The following KIF13B variants were observed in gnomAD, a reference collection of about 807,000 sequenced individuals.
The protein encoded by KIF13B is kinesin family member 13B, also known as kinesin-like protein KIF13B.
Under a neutral mutation model 222.0 loss-of-function variants are expected in KIF13B, and 127 were observed. The observed-to-expected ratio is 0.57, with a 90% CI of 0.50 to 0.66. The LOEUF (loss-of-function observed/expected upper bound fraction) is 0.66. Ranked by LOEUF, KIF13B falls within the 30% of genes least tolerant of loss-of-function variation. The pLI is 0.00. For missense variants in KIF13B, 2,173 were observed against 2,379.0 expected (o/e 0.91, Z 1.80); for synonymous variants, 976 against 919.0 (o/e 1.06, Z -1.12).
chr8:29,235,819 A>C (rs550320815), intron 2 of KIF13B, among the ~76,000 whole-genome samples: 1 of 152,324 alleles, frequency 6.6e-6, no homozygotes, highest in Non-Finnish European at 1.5e-5. Context: ...TGAGTTCCAG[A>C]AACTGGTTAG....
chr8:29,174,473 GT>G (rs1251385109), intron 10 of KIF13B, among the ~76,000 whole-genome samples: 5 of 152,078 alleles, frequency 3.3e-5, no homozygotes, highest in Non-Finnish European at 5.9e-5. Flanking sequence ...GAGGTATTTA[GT>G]TATGTAAGCT....
intron 35 of KIF13B, among the ~76,000 whole-genome samples, chr8:29,104,506 T>C (rs951717026): frequency 6.6e-6 from 1 of 152,190 alleles, no homozygotes; most frequent in Non-Finnish European, 1.5e-5. Context: ...CTGCATACAT[T>C]TGTACCATAT....
At position 29,153,290 on chromosome 8, in the gene KIF13B, AC is replaced by A. The variant is rs376681001; in HGVS notation, c.1535+2435del. Among the ~76,000 whole-genome samples the A allele has an allele frequency of 2.6e-4, 39 of 152,364 alleles. No individual in the cohort carries two copies. In the East Asian group the frequency reaches 6.7e-3, roughly 26 times the overall value. Reference sequence around the variant, plus strand: ...TGTCCAATCTACGTGAATGAAAATAACCAAACAACCAGACTCTACAAACATC... The same window carrying A: ...TGTCCAATCTACGTGAATGAAAATAACAAACAACCAGACTCTACAAACATC... On this transcript the variant is annotated intron_variant, in intron 14 of 39. Coordinates refer to ENST00000524189, the MANE Select transcript of KIF13B (RefSeq NM_015254.4).
At position 29,160,955 on chromosome 8, in the gene KIF13B, C is replaced by T. The variant is rs1410369056; in HGVS notation, c.1270-88G>A. 17 of 1,114,234 alleles carry T rather than the reference C, an allele frequency of 1.5e-5. No individual in the cohort carries two copies. In the Admixed American group the frequency reaches 3.8e-4, roughly 25 times the overall value. 69.0% of individuals were successfully genotyped at this position (1,114,234 alleles called of 1,614,324 possible). On this transcript the variant is annotated intron_variant, in intron 12 of 39. Transcript: ENST00000524189. ...TTTACATTACAATGTTACAATTATT[C>T]AATAGTGTTGTAATTCAAATACATT... is the stretch of plus-strand genomic sequence containing the variant.
At chr8:29,263,204 G>A (rs1427482144), upstream of KIF13B, 1 of 584,988 alleles carries the variant, frequency 1.7e-6, no homozygotes, top group Non-Finnish European at 2.9e-6. Flanking sequence ...GGGACTTGTA[G>A]TTCCCCAGGG....
At chr8:29,079,099 C>G (rs970618150) in intron 37 of KIF13B, among the ~76,000 whole-genome samples, 1 of 152,168 alleles carries the variant, frequency 6.6e-6, no homozygotes, top group African/African-American at 2.4e-5. Flanking sequence ...TATACAATCT[C>G]CAAGGGGACA....
At chr8:29,107,842 G>C (rs1363853208) in intron 35 of KIF13B, among the ~76,000 whole-genome samples, 2 of 150,922 alleles carry the variant, frequency 1.3e-5, no homozygotes, top group East Asian at 1.9e-4. Flanking sequence ...TTACATACGT[G>C]AGCCACTGCG....
chr8:29,173,976 C>T (rs1232121298), intron 10 of KIF13B, among the ~76,000 whole-genome samples: 2 of 148,414 alleles, frequency 1.3e-5, no homozygotes, highest in Admixed American at 6.7e-5. Flanking sequence ...GGTAATGAAA[C>T]GATTTAAAAA....
chr8:29,098,559 C>A (rs527428180), intron 36 of KIF13B, among the ~76,000 whole-genome samples: 114 of 147,068 alleles, frequency 7.8e-4, no homozygotes, highest in African/African-American at 2.6e-3. Context: ...GCCGAGATTG[C>A]ACTACTGGAC....
chr8:29,087,222 C>G (rs1376122613), intron 37 of KIF13B, among the ~76,000 whole-genome samples: 1 of 152,160 alleles, frequency 6.6e-6, no homozygotes, highest in African/African-American at 2.4e-5. Flanking sequence ...TACCTGCTAC[C>G]TGGAAATGAA....
At chr8:29,109,534 A>G in intron 33 of KIF13B, 23 bp from the exon 34 acceptor site, 1 of 1,601,702 alleles carries the variant, frequency 6.2e-7, no homozygotes, top group South Asian at 1.1e-5. Flanking sequence ...AAACATACAG[A>G]GGAAAAAGAC....
chr8:29,146,643 TGAGC>T, intron 17 of KIF13B, 103 bp from the exon 18 acceptor site: 2 of 1,091,770 alleles, frequency 1.8e-6, no homozygotes, highest in Admixed American at 2.3e-5. Flanking sequence ...AAGTGTGAAT[TGAGC>T]TTTTTCCGTG....
In KIF13B at chr8:29,071,757, GCTT is replaced by G; in HGVS notation, c.5078_5080del (p.Glu1693del). On this transcript the variant is annotated inframe_deletion, in exon 39 of 40. Coordinates refer to ENST00000524189, the MANE Select transcript of KIF13B (RefSeq NM_015254.4). The surrounding 1 kb of genome is among the most constrained non-coding windows in gnomAD (Gnocchi z 4.9). ...TCGGAGCCACTCCGGGACCTCGTCA[GCTT>G]CCTCGGAATCAGAGGCCAGGGCCTG... 1.3e-6 allele frequency: 2 copies of G among 1,549,576 alleles called. No homozygotes were observed. Among genetic ancestry groups the G allele is most frequent in the Non-Finnish European group, 1.7e-6 (2 of 1,146,626 alleles).
intron 2 of KIF13B, among the ~76,000 whole-genome samples, chr8:29,223,168 AAAAAAAAAAAC>A (rs1814838092): frequency 6.7e-6 from 1 of 149,474 alleles, no homozygotes; most frequent in Non-Finnish European, 1.5e-5. Flanking sequence ...AAAATACAAA[AAAAAAAAAAAC>A]AAAAAAAAAA....
rs373116983 is a variant in KIF13B, at chr8:29,167,608, G to A, written c.946-23C>T. The A allele has an allele frequency of 3.3e-5, 53 of 1,585,440 alleles. No homozygotes were observed. In the East Asian group the frequency reaches 6.7e-4, roughly 20 times the overall value. On this transcript the variant is annotated intron_variant, in intron 10 of 39. Transcript: ENST00000524189. Reference sequence around the variant, plus strand: ...GTCCTACAGGAGAAAACAGAAAGTTGAGTAGCATATTAAAGTTGGAAGAAG... The same window carrying A: ...GTCCTACAGGAGAAAACAGAAAGTTAAGTAGCATATTAAAGTTGGAAGAAG...
intron 29 of KIF13B, among the ~76,000 whole-genome samples, chr8:29,120,647 C>T (rs1217434449): frequency 2.0e-3 from 1 of 490 alleles, no homozygotes; most frequent in Non-Finnish European, 5.0e-3. Flanking sequence ...CATACGTGTG[C>T]ATGTGTCTTT....
chr8:29,206,008 T>C (rs1279506119), intron 2 of KIF13B, among the ~76,000 whole-genome samples: 5 of 152,018 alleles, frequency 3.3e-5, no homozygotes, highest in Admixed American at 1.3e-4. Flanking sequence ...GGAGGATCAC[T>C]TGAACTGATG....
chr8:29,147,458 C>T lies in KIF13B; in HGVS notation c.1958G>A (p.Ser653Asn). ...CGAGTGGAAAGAAAACCTGTCCATGCTCCGGCAGTTCTGCTTCTCAGGAGA... is the reference window on the plus strand; with the variant it reads ...CGAGTGGAAAGAAAACCTGTCCATGTTCCGGCAGTTCTGCTTCTCAGGAGA... ...RLSPEKQNCR[S>N]MDRFSFHSPS... The change falls in exon 17 of 40, where the codon AGC (serine) becomes AAC (asparagine). Residue 653 changes from serine to asparagine, a missense_variant. Coordinates refer to ENST00000524189, the MANE Select transcript of KIF13B (RefSeq NM_015254.4). 3 of 1,612,816 alleles carry T rather than the reference C, an allele frequency of 1.9e-6. No individual in the cohort carries two copies. Among genetic ancestry groups the T allele is most frequent in the Non-Finnish European group, 2.5e-6 (3 of 1,179,428 alleles).
intron 2 of KIF13B, among the ~76,000 whole-genome samples, chr8:29,207,236 C>A (rs1223980821): frequency 6.6e-6 from 1 of 152,200 alleles, no homozygotes; most frequent in African/African-American, 2.4e-5. Context: ...CTCAGCAAGT[C>A]CTTCAGGCTC....
Sources: allele counts gnomAD v4.1 joint callset (sites outside exome capture counted in the v4.1 genomes callset), GRCh38; gene constraint gnomAD v4.1.1; non-coding constraint Gnocchi (gnomAD v3.1); transcripts MANE v1.5; gene names NCBI Gene and HGNC (gene_info 2026-07-23, HGNC 2026-07-21).